ADCY8: variants seen among roughly 807,000 people sequenced by gnomAD.
ADCY8 encodes adenylate cyclase type 8.
A neutral mutation model predicts 119.7 loss-of-function variants in ADCY8; 51 were observed. The ratio of observed to expected loss-of-function variants is 0.43; its 90% CI spans 0.34 to 0.54. The LOEUF (loss-of-function observed/expected upper bound fraction) is 0.54. ADCY8 is among the 20% of genes least tolerant of loss of function. The probability of loss-of-function intolerance (pLI) is 0.03; values close to 1 mark genes in which losing one functional copy is unlikely to be tolerated. For synonymous variants in ADCY8, 665 were observed against 651.0 expected, an observed-to-expected ratio of 1.02 and a Z score of -0.33; for missense variants, 1,383 against 1,598.8, an observed-to-expected ratio of 0.87 and a Z score of 2.30.
At chr8:130,933,636 A>G (rs1277791409) in intron 5 of ADCY8, among the ~76,000 whole-genome samples, 1 of 152,242 alleles carries the variant, frequency 6.6e-6, no homozygotes, top group Non-Finnish European at 1.5e-5. Flanking sequence ...TGATTCATAC[A>G]GTTTGAAAAA....
At chr8:131,021,269 T>G (rs1343943197) in intron 1 of ADCY8, among the ~76,000 whole-genome samples, 1 of 152,128 alleles carries the variant, frequency 6.6e-6, no homozygotes, top group Non-Finnish European at 1.5e-5. Context: ...TCAGCGTTCT[T>G]GGATTCTTAT....
chr8:130,841,212 T>A (rs263256), intron 11 of ADCY8, among the ~76,000 whole-genome samples: 128,276 of 152,142 alleles, frequency 0.84, 54,403 homozygotes, highest in African/African-American at 0.93. Flanking sequence ...TCTGTGAATG[T>A]CTTTGAATGA....
chr8:131,010,899 TGA>T (rs1375060234), intron 1 of ADCY8, among the ~76,000 whole-genome samples: 1 of 152,252 alleles, frequency 6.6e-6, no homozygotes, highest in Non-Finnish European at 1.5e-5. Context: ...TGTGGGCATT[TGA>T]GAGAGTTTTT....
intron 8 of ADCY8, among the ~76,000 whole-genome samples, chr8:130,870,301 C>T (rs945125114): frequency 1.3e-5 from 2 of 152,074 alleles, no homozygotes; most frequent in African/African-American, 2.4e-5. Flanking sequence ...CATGAGTCAC[C>T]GTGCCTGGCT....
chr8:130,879,937 G>C (rs2130442874), intron 8 of ADCY8, among the ~76,000 whole-genome samples: 1 of 152,248 alleles, frequency 6.6e-6, no homozygotes, highest in East Asian at 1.9e-4. Context: ...GGACCCAGTG[G>C]GGCGATGACT....
At chr8:130,790,299 G>A (rs1393134083) in intron 15 of ADCY8, among the ~76,000 whole-genome samples, 1 of 152,104 alleles carries the variant, frequency 6.6e-6, no homozygotes, top group Non-Finnish European at 1.5e-5. Context: ...GGGATGCGTT[G>A]GCTTTGAATT....
At chr8:130,853,577 GTT>G (rs5742176) in intron 9 of ADCY8, among the ~76,000 whole-genome samples, 3,536 of 147,550 alleles carry the variant, frequency 0.024, 144 homozygotes, top group African/African-American at 0.085. Flanking sequence ...TAAAATTGAT[GTT>G]TTTTTTTTTT....
chr8:130,907,975 G>C (rs959894580), intron 6 of ADCY8, among the ~76,000 whole-genome samples: 1 of 152,110 alleles, frequency 6.6e-6, no homozygotes, highest in Non-Finnish European at 1.5e-5. Context: ...CTCCCACTTA[G>C]AAGTGAGAAC....
chr8:130,925,800 C>T (rs558127870), intron 5 of ADCY8, among the ~76,000 whole-genome samples: 1 of 152,302 alleles, frequency 6.6e-6, no homozygotes, highest in East Asian at 1.9e-4. Flanking sequence ...TCTTGGAACT[C>T]AGCTTTGATG....
intron 1 of ADCY8, among the ~76,000 whole-genome samples, chr8:130,994,031 C>A (rs1448323581): frequency 6.6e-6 from 1 of 152,196 alleles, no homozygotes; most frequent in Non-Finnish European, 1.5e-5. Flanking sequence ...GAAAGCTCTG[C>A]TTTTGTCTGC....
chr8:130,959,321 C>T (rs192397111), intron 2 of ADCY8, among the ~76,000 whole-genome samples: 58 of 152,116 alleles, frequency 3.8e-4, no homozygotes, highest in Admixed American at 1.8e-3. Context: ...ATGGTTTTCT[C>T]GGTTACAGGA....
chr8:130,785,551 C>G, intron 15 of ADCY8, 76 bp from the exon 16 acceptor site: 1 of 1,065,338 alleles, frequency 9.4e-7, no homozygotes. Context: ...AAACAGGCCC[C>G]TGGCTCACAA....
At chr8:131,032,980 C>T (rs1255251349) in intron 1 of ADCY8, among the ~76,000 whole-genome samples, 6 of 152,158 alleles carry the variant, frequency 3.9e-5, no homozygotes, top group Non-Finnish European at 7.4e-5. Context: ...AATACTGCCA[C>T]TAATCTTCAT....
intron 2 of ADCY8, among the ~76,000 whole-genome samples, chr8:130,960,579 C>A (rs1365810611): frequency 1.3e-5 from 2 of 152,012 alleles, no homozygotes; most frequent in Non-Finnish European, 2.9e-5. Context: ...GAGAATGATA[C>A]AATCAGAAAA....
intron 16 of ADCY8, among the ~76,000 whole-genome samples, chr8:130,784,582 A>G (rs765340556): frequency 6.6e-6 from 1 of 152,216 alleles, no homozygotes; most frequent in East Asian, 1.9e-4. Flanking sequence ...TTGCCATTTT[A>G]GCTTGAAAGG....
intron 9 of ADCY8, among the ~76,000 whole-genome samples, chr8:130,851,803 A>G (rs1425137104): frequency 1.3e-5 from 2 of 152,226 alleles, no homozygotes; most frequent in African/African-American, 4.8e-5. Context: ...AAATGCAGGA[A>G]AAGAAGCTAG....
chr8:130,977,114 A>G (rs1007297586), intron 2 of ADCY8, among the ~76,000 whole-genome samples: 7 of 152,122 alleles, frequency 4.6e-5, no homozygotes, highest in African/African-American at 1.2e-4. Flanking sequence ...CTTTACTACT[A>G]TATCTCCTCA....
intron 8 of ADCY8, among the ~76,000 whole-genome samples, chr8:130,876,566 A>G (rs376933270): frequency 3.9e-5 from 6 of 152,104 alleles, no homozygotes; most frequent in Non-Finnish European, 7.3e-5. Flanking sequence ...GTGTTCATGC[A>G]TAGTTAGGGT....
chr8:130,798,294 C>G (rs1815651025), intron 15 of ADCY8, among the ~76,000 whole-genome samples: 1 of 151,980 alleles, frequency 6.6e-6, no homozygotes, highest in Non-Finnish European at 1.5e-5. Context: ...CAACATTTAC[C>G]TGGATAGAGA....
Sources: gnomAD v4.1 joint callset for allele counts (sites outside exome capture counted in the v4.1 genomes callset) on GRCh38, gnomAD v4.1.1 for gene constraint, MANE v1.5 for transcripts, NCBI Gene and HGNC (gene_info 2026-07-23, HGNC 2026-07-21) for gene names.